The following KCNT1 variants were observed in gnomAD, a reference collection of about 807,000 sequenced individuals.
KCNT1 encodes potassium sodium-activated channel subfamily T member 1.
In KCNT1, 78 loss-of-function variants were observed where a neutral mutation model predicts 147.8. The observed-to-expected ratio is 0.53, with a 90% CI of 0.44 to 0.64. The LOEUF (loss-of-function observed/expected upper bound fraction) is 0.64, where lower values mean the gene tolerates loss of function less well. Ranked by LOEUF, KCNT1 falls within the 30% of genes least tolerant of loss-of-function variation. The pLI, the probability that KCNT1 is intolerant of heterozygous loss-of-function variation, is 0.00. For missense variants in KCNT1, 1,419 were observed against 1,750.3 expected (o/e 0.81, Z 3.38); for synonymous variants, 867 against 748.8 (o/e 1.16, Z -2.58).
chr9:135,762,852 G>A (rs534707879), intron 11 of KCNT1, among the ~76,000 whole-genome samples: 4 of 152,332 alleles, frequency 2.6e-5, no homozygotes, highest in Non-Finnish European at 4.4e-5. Flanking sequence ...GAACAAATGC[G>A]CCATCGTCAC....
rs766451840 is a variant in KCNT1 at position 135,765,022 on chromosome 9, CA to C, written c.1036-8del. On this transcript the variant is annotated splice_polypyrimidine_tract_variant and splice_region_variant and intron_variant, in intron 11 of 30. Transcript: ENST00000371757. ...TGGTCGCTGGTGCTCACCTGTTTCTCACCTGCAGTTCGAGGAGCTCGTCTAC... is the reference window on the plus strand; with the variant it reads ...TGGTCGCTGGTGCTCACCTGTTTCTCCCTGCAGTTCGAGGAGCTCGTCTAC... 6.2e-7 allele frequency: 1 copy of C among 1,602,506 alleles called. No homozygotes were observed. The highest frequency in any genetic ancestry group is 8.5e-7 in the Non-Finnish European group (1 of 1,171,190).
intron 2 of KCNT1, among the ~76,000 whole-genome samples, chr9:135,747,274 G>A (rs1167840067): frequency 6.6e-6 from 1 of 151,880 alleles, no homozygotes; most frequent in African/African-American, 2.4e-5. Flanking sequence ...GTGGGAGGCA[G>A]TAGGAGCAAG....
At chr9:135,725,168 G>T (rs1223870206) in intron 2 of KCNT1, among the ~76,000 whole-genome samples, 1 of 151,268 alleles carries the variant, frequency 6.6e-6, no homozygotes, top group African/African-American at 2.4e-5. Context: ...GGCGGGGCCT[G>T]TCGAGGGCCA....
intron 2 of KCNT1, among the ~76,000 whole-genome samples, chr9:135,729,601 G>A (rs11103150): frequency 0.13 from 19,609 of 152,206 alleles, 1,457 homozygotes; most frequent in South Asian, 0.16. Flanking sequence ...GTGGTGGTTC[G>A]TTACGCAACA....
chr9:135,752,161 C>T lies in KCNT1; in HGVS notation c.434+1120C>T, dbSNP rs574639734. 288 of 349,002 alleles carry T rather than the reference C, an allele frequency of 8.3e-4. 2 individuals are homozygous for T. Among genetic ancestry groups the T allele is most frequent in the South Asian group, 6.2e-3 (284 of 46,068 alleles). The allele number at this position is 349,002 out of a possible 1,614,324, so 21.6% of individuals were successfully genotyped here. Reference sequence around the variant, plus strand: ...CACCATCCAGCCATCGGGGTGAACCCTGCCAGCATGCTGGTCCCCCCTCTG... The same window carrying T: ...CACCATCCAGCCATCGGGGTGAACCTTGCCAGCATGCTGGTCCCCCCTCTG... On this transcript the variant is annotated intron_variant, in intron 4 of 30. Transcript: ENST00000371757. The surrounding 1 kb of genome is among the most constrained non-coding windows in gnomAD (Gnocchi z 5.1).
Position 135,702,446 on chromosome 9 carries a change from G to A in KCNT1, c.110+78G>A, listed in dbSNP as rs1009485183. The stretch of plus-strand genomic sequence containing the variant: ...CCCCCAAGTTCCCCCTCAGGCTCCC[G>A]CACCCTCCAGGACCCGCCATTCCCA... On this transcript the variant is annotated intron_variant, in intron 1 of 30. Coordinates refer to ENST00000371757, the MANE Select transcript of KCNT1 (RefSeq NM_020822.3). The A allele has an allele frequency of 6.0e-6, 7 of 1,157,126 alleles. No homozygotes were observed. In the African/African-American group the frequency reaches 6.1e-5, roughly 10 times the overall value. The allele number at this position is 1,157,126 out of a possible 1,614,324, so 71.7% of individuals were successfully genotyped here. A position where few individuals can be genotyped will look rare whatever the true frequency, so the allele number is the denominator to read the frequency against.
intron 1 of KCNT1, among the ~76,000 whole-genome samples, chr9:135,706,163 C>T (rs902034325): frequency 6.6e-6 from 1 of 152,158 alleles, no homozygotes; most frequent in Non-Finnish European, 1.5e-5. Flanking sequence ...AATGGGAGTG[C>T]TAGCATGGAC....
chr9:135,722,194 G>A (rs1360361070), intron 2 of KCNT1, among the ~76,000 whole-genome samples: 2 of 152,114 alleles, frequency 1.3e-5, no homozygotes, highest in Non-Finnish European at 2.9e-5. Context: ...TGACTCAAGC[G>A]GGGGGCCTCT....
intron 29 of KCNT1, 35 bp from the exon 30 acceptor site, chr9:135,791,762 G>A (rs553933964): frequency 9.4e-6 from 15 of 1,590,810 alleles, no homozygotes; most frequent in Admixed American, 1.7e-5. Flanking sequence ...GGCAGGGCTG[G>A]GGGGGTGACG....
intron 11 of KCNT1, among the ~76,000 whole-genome samples, chr9:135,764,521 C>T (rs1414724455): frequency 3.9e-5 from 6 of 152,288 alleles, no homozygotes; most frequent in South Asian, 2.1e-4. Flanking sequence ...TGGGAGGCCC[C>T]GGTGGCCTCT....
chr9:135,749,096 G>A (rs1226412586), intron 2 of KCNT1, among the ~76,000 whole-genome samples: 1 of 152,234 alleles, frequency 6.6e-6, no homozygotes, highest in East Asian at 1.9e-4. Context: ...CTGTCCTGCA[G>A]GCTGGCAGCA....
At chr9:135,784,162 G>T (rs748068462) in intron 25 of KCNT1, 37 bp downstream of exon 25, 1 of 1,523,952 alleles carries the variant, frequency 6.6e-7, no homozygotes, top group Non-Finnish European at 9.0e-7. Context: ...GTGGCGCCTG[G>T]GTGGGACCCC....
chr9:135,747,535 T>C (rs1169752719), intron 2 of KCNT1, among the ~76,000 whole-genome samples: 1 of 152,094 alleles, frequency 6.6e-6, no homozygotes, highest in East Asian at 1.9e-4. Context: ...TCCAGCATCC[T>C]GTCTGAGCGA....
At chr9:135,763,900 G>A (rs1832080263) in intron 11 of KCNT1, among the ~76,000 whole-genome samples, 7 of 152,150 alleles carry the variant, frequency 4.6e-5, no homozygotes, top group Admixed American at 4.6e-4. Context: ...GAGGCTCAGA[G>A]TGGGGGACGT....
chr9:135,781,272 G>A (rs1833590241), intron 24 of KCNT1, among the ~76,000 whole-genome samples: 1 of 152,244 alleles, frequency 6.6e-6, no homozygotes, highest in Non-Finnish European at 1.5e-5. Flanking sequence ...GGGCTGACAT[G>A]GTGCTGGGGT....
At chr9:135,728,403 C>T (rs888060965) in intron 2 of KCNT1, among the ~76,000 whole-genome samples, 2 of 152,226 alleles carry the variant, frequency 1.3e-5, no homozygotes, top group Non-Finnish European at 2.9e-5. Context: ...AAAGAGCCAG[C>T]GGCCAAGCCA....
chr9:135,745,254 C>T (rs905669649), intron 2 of KCNT1, among the ~76,000 whole-genome samples: 6 of 152,238 alleles, frequency 3.9e-5, no homozygotes, highest in African/African-American at 1.4e-4. Context: ...CAGGTTCTTC[C>T]TAGCCCTGTG....
Position 135,786,240 on chromosome 9 carries a change from A to AGTCCTCAC in KCNT1, c.3221_3222insGTCCTCAC (p.Val1075SerfsTer4). 6.2e-7 allele frequency: 1 copy of AGTCCTCAC among 1,611,062 alleles called. No individual in the cohort carries two copies. Among genetic ancestry groups the AGTCCTCAC allele is most frequent in the South Asian group, 1.1e-5 (1 of 90,916 alleles). On this transcript the variant is annotated frameshift_variant, in exon 29 of 31. Coordinates refer to ENST00000371757, the MANE Select transcript of KCNT1 (RefSeq NM_020822.3). LOFTEE classifies it high-confidence loss of function. ...GTGGAGGACTGTGAGGACACACGGG[A>AGTCCTCAC]AGTGAAGGGGCCCTGGGGCTCCCGC...
chr9:135,769,907 G>A (rs1469132079), intron 15 of KCNT1, 40 bp from the exon 16 acceptor site: 1 of 1,428,402 alleles, frequency 7.0e-7, no homozygotes, highest in South Asian at 1.2e-5. Context: ...GAGAGAGCCG[G>A]CAGAGCGGCA....
Sources: gnomAD v4.1 joint callset for allele counts (sites outside exome capture counted in the v4.1 genomes callset) on GRCh38, gnomAD v4.1.1 for gene constraint, Gnocchi (gnomAD v3.1) non-coding constraint, MANE v1.5 for transcripts, NCBI Gene and HGNC (gene_info 2026-07-23, HGNC 2026-07-21) for gene names.